NAALAD2: variants seen among roughly 807,000 people sequenced by gnomAD.
NAALAD2 encodes N-acetylated-alpha-linked acidic dipeptidase 2.
NAALAD2 carries 89 observed loss-of-function variants against 95.6 expected under a neutral mutation model. The observed-to-expected ratio is 0.93, with a 90% CI of 0.78 to 1.11. The LOEUF (loss-of-function observed/expected upper bound fraction) is 1.11, where lower values mean the gene tolerates loss of function less well. NAALAD2 is among the 50% of genes least tolerant of loss of function. The pLI is 0.00. For missense variants in NAALAD2, 894 were observed against 872.4 expected (o/e 1.02, Z -0.31); for synonymous variants, 264 against 294.4 (o/e 0.90, Z 1.06).
intron 6 of NAALAD2, among the ~76,000 whole-genome samples, chr11:90,155,390 AAT>A (rs1369858675): frequency 1.2e-5 from 1 of 80,070 alleles, no homozygotes; most frequent in African/African-American, 6.0e-5. Flanking sequence ...TTATACATGT[AAT>A]ATATAATATA....
upstream of NAALAD2, among the ~76,000 whole-genome samples, chr11:90,134,319 C>A (rs1159477165): frequency 6.6e-6 from 1 of 152,032 alleles, no homozygotes; most frequent in South Asian, 2.1e-4. Context: ...CCGAGTCTGA[C>A]GAGTGGGAAA....
Position 90,134,738 on chromosome 11 carries a change from A to G in NAALAD2, c.-21A>G, listed in dbSNP as rs1347979931. 2 of 1,612,812 alleles carry G rather than the reference A, an allele frequency of 1.2e-6. No individual in the cohort carries two copies. Among genetic ancestry groups the G allele is most frequent in the African/African-American group, 2.7e-5 (2 of 74,882 alleles). The stretch of plus-strand genomic sequence containing the variant: ...AGCTCGCGAATGTAGCAGGCGCCCC[A>G]AGCTCGGTCCTCAAGAAGCCATGGC... On this transcript the variant is annotated 5_prime_UTR_variant, in exon 1 of 19. Transcript: ENST00000534061.
At chr11:90,174,188 G>A (rs10830431) in intron 14 of NAALAD2, among the ~76,000 whole-genome samples, 24,261 of 152,032 alleles carry the variant, frequency 0.16, 2,499 homozygotes, top group African/African-American at 0.28. Flanking sequence ...AAAATTAGCC[G>A]GTCATGGTAG....
At position 90,192,265 on chromosome 11, in the gene NAALAD2, C is replaced by T. The variant is rs192411061; in HGVS notation, c.*518C>T. ...AATGTATAAACTGTGGTATCCATTA[C>T]ACAATAGACTACTTACTACTCAGCA... is the stretch of plus-strand genomic sequence containing the variant. On this transcript the variant is annotated 3_prime_UTR_variant, in exon 19 of 19. Coordinates refer to ENST00000534061, the MANE Select transcript of NAALAD2 (RefSeq NM_005467.4). 1.7e-4 allele frequency: 26 copies of T among 152,066 alleles called. No individual in the cohort carries two copies. The highest frequency in any genetic ancestry group is 6.0e-4 in the African/African-American group (25 of 41,554). 9.4% of individuals were successfully genotyped at this position (152,066 alleles called of 1,614,324 possible).
At chr11:90,155,256 A>G (rs545456574) in intron 6 of NAALAD2, among the ~76,000 whole-genome samples, 1 of 125,422 alleles carries the variant, frequency 8.0e-6, no homozygotes. Flanking sequence ...CATGTATAAT[A>G]TATGTATATA....
At chr11:90,132,467 G>A (rs137950085), upstream of NAALAD2, among the ~76,000 whole-genome samples, 16 of 152,278 alleles carry the variant, frequency 1.1e-4, 1 homozygote, top group Middle Eastern at 3.4e-3. Flanking sequence ...GTAGTCAACA[G>A]TGAATGGTCC....
chr11:90,173,875 T>C lies in NAALAD2; in HGVS notation c.1462T>C (p.Leu488=), dbSNP rs112347234. ...GAGTAAATCACTGTATGAAAGCTGG[T>C]TGGAAAAAGACCCTTCACCTGAAAA... ...FESKSLYESW[L]EKDPSPENKN... Residue 488 remains leucine (L), a synonymous_variant, in exon 14 of 19, where the codon TTG becomes CTG. Transcript: ENST00000534061. 2,708 of 1,612,946 alleles carry C rather than the reference T, an allele frequency of 1.7e-3. 38 individuals are homozygous for C. The African/African-American group carries it at 0.031, about 19-fold the overall frequency.
intron 11 of NAALAD2, among the ~76,000 whole-genome samples, chr11:90,165,994 C>A (rs921429499): frequency 6.6e-6 from 1 of 152,168 alleles, no homozygotes; most frequent in Non-Finnish European, 1.5e-5. Flanking sequence ...TATTCAGTAG[C>A]ATGCTTACCT....
chr11:90,150,530 C>T lies in NAALAD2; in HGVS notation c.532C>T (p.Leu178=). 1.2e-6 allele frequency: 2 copies of T among 1,609,812 alleles called. No individual in the cohort carries two copies. The highest frequency in any genetic ancestry group is 1.7e-6 in the Non-Finnish European group (2 of 1,177,458). Residue 178 remains leucine, a synonymous_variant, in exon 5 of 19, where the codon CTA becomes TTA. Coordinates refer to ENST00000534061, the MANE Select transcript of NAALAD2 (RefSeq NM_005467.4). ...NYARTEDFFK[L]EREMGINCTG... ...TGCTCGCACTGAAGACTTTTTCAAA[C>T]TAGAAAGAGAGATGGGCATCAACTG...
At chr11:90,176,404 T>C (rs1405989983) in intron 15 of NAALAD2, among the ~76,000 whole-genome samples, 2 of 152,156 alleles carry the variant, frequency 1.3e-5, no homozygotes, top group Non-Finnish European at 1.5e-5. Flanking sequence ...GTACTTTTCA[T>C]GAGGATAAAT....
intron 8 of NAALAD2, chr11:90,162,363 A>G (rs1337832225): frequency 6.6e-6 from 1 of 152,152 alleles, no homozygotes; most frequent in Non-Finnish European, 1.5e-5. Flanking sequence ...GTAGTTGTGC[A>G]TTGTAGCAGG....
At chr11:90,149,626 C>CG (rs758227154) in intron 4 of NAALAD2, among the ~76,000 whole-genome samples, 1 of 151,638 alleles carries the variant, frequency 6.6e-6, no homozygotes, top group Admixed American at 6.6e-5. Context: ...TTAGTGGAGA[C>CG]GGGGTTTCTC....
intron 6 of NAALAD2, among the ~76,000 whole-genome samples, chr11:90,157,924 T>G (rs911344099): frequency 5.3e-5 from 8 of 152,184 alleles, no homozygotes; most frequent in African/African-American, 1.9e-4. Context: ...TTTCACCATG[T>G]TGGCCAGGAT....
intron 6 of NAALAD2, among the ~76,000 whole-genome samples, chr11:90,157,072 T>C (rs1010597305): frequency 2.0e-5 from 3 of 152,130 alleles, no homozygotes; most frequent in African/African-American, 7.2e-5. Context: ...CTGTTTTTGG[T>C]TGGAGTATTC....
chr11:90,188,734 A>G (rs1314433243), intron 18 of NAALAD2, among the ~76,000 whole-genome samples: 1 of 152,224 alleles, frequency 6.6e-6, no homozygotes, highest in Non-Finnish European at 1.5e-5. Flanking sequence ...AAACTTAATT[A>G]TTTTTGAGTT....
At chr11:90,156,846 C>T (rs1334299317) in intron 6 of NAALAD2, among the ~76,000 whole-genome samples, 1 of 152,024 alleles carries the variant, frequency 6.6e-6, no homozygotes, top group Admixed American at 6.6e-5. Context: ...TTCTGATTTC[C>T]CTTTTCATTT....
intron 11 of NAALAD2, among the ~76,000 whole-genome samples, chr11:90,165,787 G>A (rs529907220): frequency 3.3e-5 from 5 of 152,168 alleles, no homozygotes; most frequent in African/African-American, 9.6e-5. Context: ...AGAAACATGC[G>A]ATTTAGAAAC....
chr11:90,137,323 CAAT>C (rs1951475003), intron 2 of NAALAD2, among the ~76,000 whole-genome samples: 1 of 151,764 alleles, frequency 6.6e-6, no homozygotes, highest in Non-Finnish European at 1.5e-5. Context: ...CTATAGTTAA[CAAT>C]AATTTATTGT....
chr11:90,160,587 C>T (rs907849947), intron 8 of NAALAD2, among the ~76,000 whole-genome samples: 1 of 152,194 alleles, frequency 6.6e-6, no homozygotes, highest in Admixed American at 6.5e-5. Context: ...ATCATTAAAT[C>T]AGAACAGTGC....
Sources: gnomAD v4.1 joint callset for allele counts (sites outside exome capture counted in the v4.1 genomes callset) on GRCh38, gnomAD v4.1.1 for gene constraint, MANE v1.5 for transcripts, NCBI Gene and HGNC (gene_info 2026-07-23, HGNC 2026-07-21) for gene names.